PTPRG: variants seen among roughly 807,000 people sequenced by gnomAD.
The protein encoded by PTPRG is receptor-type tyrosine-protein phosphatase gamma.
A neutral mutation model predicts 165.3 loss-of-function variants in PTPRG; 102 were observed. The observed-to-expected ratio is 0.62, with a 90% CI of 0.53 to 0.73. The LOEUF is 0.73. Among genes scored for constraint, PTPRG ranks in the 30% least tolerant of loss-of-function variants. The pLI, the probability that PTPRG is intolerant of heterozygous loss-of-function variation, is 0.00. For synonymous variants in PTPRG, 675 were observed against 669.5 expected (o/e 1.01, Z -0.13); for missense variants, 1,866 against 1,861.4 (o/e 1.00, Z -0.05).
chr3:61,739,072 T>C (rs1308597239), intron 1 of PTPRG: 1 of 146,256 alleles, frequency 6.8e-6, no homozygotes, highest in Non-Finnish European at 1.5e-5. Context: ...CTCTCCTCCC[T>C]GGTTGGCCTT....
At chr3:61,782,396 T>C (rs980442304) in intron 2 of PTPRG, among the ~76,000 whole-genome samples, 3 of 152,234 alleles carry the variant, frequency 2.0e-5, no homozygotes, top group African/African-American at 7.2e-5. Context: ...TTCATCAATT[T>C]AGTCGTGTGT....
chr3:62,110,243 T>C (rs1702621590), intron 5 of PTPRG, among the ~76,000 whole-genome samples: 1 of 152,040 alleles, frequency 6.6e-6, no homozygotes, highest in African/African-American at 2.4e-5. Context: ...TTCTGTCTCC[T>C]GACAGGACCC....
intron 1 of PTPRG, among the ~76,000 whole-genome samples, chr3:61,621,793 T>A (rs557118127): frequency 3.3e-4 from 51 of 152,292 alleles, no homozygotes; most frequent in South Asian, 1.7e-3. Context: ...GTTAGGTGAT[T>A]GGTGGGCAAG....
intron 1 of PTPRG, chr3:61,659,272 A>G (rs372000039): frequency 8.2e-6 from 8 of 978,976 alleles, no homozygotes; most frequent in Middle Eastern, 5.3e-4. Flanking sequence ...TATACAATGT[A>G]TGTTTTCTTT....
chr3:61,980,313 AGAGGCAGCT>A (rs2040610995), intron 2 of PTPRG, among the ~76,000 whole-genome samples: 2 of 152,232 alleles, frequency 1.3e-5, no homozygotes, highest in South Asian at 2.1e-4. Context: ...AACTTCAGCA[AGAGGCAGCT>A]GTTCCCGTTA....
At chr3:61,563,586 G>A (rs1699825209) in intron 1 of PTPRG, among the ~76,000 whole-genome samples, 1 of 152,236 alleles carries the variant, frequency 6.6e-6, no homozygotes, top group African/African-American at 2.4e-5. Flanking sequence ...CCTAAGGACA[G>A]AGAATTCCCC....
chr3:61,783,625 A>C (rs2034608200), intron 2 of PTPRG, among the ~76,000 whole-genome samples: 1 of 151,858 alleles, frequency 6.6e-6, no homozygotes, highest in South Asian at 2.1e-4. Context: ...CTGCGGGTTG[A>C]GATTGACGTT....
chr3:62,005,078 T>C (rs1364519251), intron 4 of PTPRG, among the ~76,000 whole-genome samples: 1 of 152,216 alleles, frequency 6.6e-6, no homozygotes, highest in African/African-American at 2.4e-5. Context: ...ATTTGTTTCT[T>C]ATCCACTGTT....
At chr3:61,901,965 T>A (rs1242048124) in intron 2 of PTPRG, among the ~76,000 whole-genome samples, 13 of 152,222 alleles carry the variant, frequency 8.5e-5, no homozygotes, top group Non-Finnish European at 1.5e-5. Flanking sequence ...CCCCCATTTT[T>A]CCTTGATGAA....
chr3:62,198,526 CCA>C (rs1700022469), intron 10 of PTPRG, among the ~76,000 whole-genome samples: 1 of 152,152 alleles, frequency 6.6e-6, no homozygotes, highest in Non-Finnish European at 1.5e-5. Flanking sequence ...CTTCTCTGAG[CCA>C]CAGACTCATC....
At chr3:62,013,513 A>C (rs1381252706) in intron 4 of PTPRG, among the ~76,000 whole-genome samples, 1 of 152,252 alleles carries the variant, frequency 6.6e-6, no homozygotes, top group Non-Finnish European at 1.5e-5. Context: ...GACTATAGTT[A>C]ATAAAAATGT....
chr3:61,614,470 C>T (rs921738888), intron 1 of PTPRG, among the ~76,000 whole-genome samples: 5 of 127,450 alleles, frequency 3.9e-5, no homozygotes, highest in African/African-American at 1.5e-4. Context: ...AGTGCAGTGG[C>T]GTGATCTCGG....
In PTPRG at chr3:62,282,792, A is replaced by G; in HGVS notation, c.3978A>G (p.Ile1326Met). 1 of 1,612,652 alleles carries G rather than the reference A, an allele frequency of 6.2e-7. No individual in the cohort carries two copies. ...CPKWPNPDAP[I>M]SSTFELINVI... ...AATGGCCTAACCCAGATGCCCCCAT[A>G]AGTAGTACCTTTGAACTTATCAACG... The change falls in exon 28 of 30, where the codon ATA becomes ATG. Residue 1326 changes from isoleucine (I) to methionine (M), a missense_variant. Physicochemically the swap from Ile to Met is conservative, Grantham distance 10. Around this residue, in one of 3 missense-constraint regions of PTPRG, gnomAD observed 1,452 missense variants for 1,463.0 expected, o/e 0.99. Transcript: ENST00000474889.
intron 2 of PTPRG, among the ~76,000 whole-genome samples, chr3:61,964,690 T>C (rs2040227654): frequency 6.6e-6 from 1 of 152,118 alleles, no homozygotes; most frequent in South Asian, 2.1e-4. Context: ...TTCCACTCTT[T>C]ATTATAGTTC....
intron 14 of PTPRG, among the ~76,000 whole-genome samples, chr3:62,241,569 A>C (rs563545313): frequency 6.6e-6 from 1 of 152,242 alleles, no homozygotes; most frequent in Non-Finnish European, 1.5e-5. Context: ...TGCTTTTTTC[A>C]AAGATAATGT....
At chr3:61,943,103 A>G (rs748732001) in intron 2 of PTPRG, among the ~76,000 whole-genome samples, 6 of 152,192 alleles carry the variant, frequency 3.9e-5, no homozygotes, top group Non-Finnish European at 8.8e-5. Context: ...TTTCATGACA[A>G]CTTTTTTTTC....
intron 28 of PTPRG, among the ~76,000 whole-genome samples, chr3:62,285,532 G>A (rs1702615663): frequency 7.3e-6 from 1 of 136,678 alleles, no homozygotes; most frequent in African/African-American, 2.7e-5. Flanking sequence ...GTTGGGGGGG[G>A]GGGGTCTCAG....
chr3:61,572,756 G>T (rs928863306), intron 1 of PTPRG, among the ~76,000 whole-genome samples: 2 of 152,136 alleles, frequency 1.3e-5, no homozygotes, highest in African/African-American at 4.8e-5. Context: ...TTAGTGCTTG[G>T]CAACAACATT....
chr3:62,248,875 A>G (rs1332004784), intron 15 of PTPRG, among the ~76,000 whole-genome samples: 1 of 152,218 alleles, frequency 6.6e-6, no homozygotes, highest in South Asian at 2.1e-4. Flanking sequence ...CAGTTAAAAT[A>G]CATCTTAATA....
Sources: allele counts gnomAD v4.1 joint callset (sites outside exome capture counted in the v4.1 genomes callset), GRCh38; gene constraint gnomAD v4.1.1; regional missense constraint gnomAD v4.1.1; transcripts MANE v1.5; gene names NCBI Gene and HGNC (gene_info 2026-07-23, HGNC 2026-07-21).